Variants in GLIS1 observed in about 807,000 individuals in gnomAD.
GLIS1 encodes zinc finger protein GLIS1.
In GLIS1, 24 loss-of-function variants were observed where a neutral mutation model predicts 63.8. The ratio of observed to expected loss-of-function variants is 0.38; its 90% CI spans 0.27 to 0.53. GLIS1 has a LOEUF of 0.53. Among genes scored for constraint, GLIS1 ranks in the 20% least tolerant of loss-of-function variants. The pLI is 0.85. For synonymous variants in GLIS1, 450 were observed against 482.5 expected (o/e 0.93, Z 0.88); for missense variants, 1,036 against 1,074.1 (o/e 0.96, Z 0.50).
intron 5 of GLIS1, among the ~76,000 whole-genome samples, 184 bp downstream of exon 5, chr1:53,529,607 G>A (rs562445478): frequency 8.5e-5 from 13 of 152,306 alleles, no homozygotes; most frequent in Non-Finnish European, 8.8e-5. Flanking sequence ...AGTGGAGAGA[G>A]GCCAGGGATA....
intron 2 of GLIS1, among the ~76,000 whole-genome samples, chr1:53,618,279 C>T (rs1318657688): frequency 1.3e-5 from 2 of 152,252 alleles, no homozygotes; most frequent in African/African-American, 2.4e-5. Flanking sequence ...GAAATGAATA[C>T]ACCAGGTGAG....
chr1:53,725,885 T>G (rs1030761685), intron 2 of GLIS1, among the ~76,000 whole-genome samples: 5 of 152,176 alleles, frequency 3.3e-5, no homozygotes, highest in African/African-American at 1.2e-4. Context: ...AAAATCTGCT[T>G]CAAGAACTTC....
chr1:53,629,540 TG>T (rs1645630268), intron 2 of GLIS1, among the ~76,000 whole-genome samples: 1 of 152,204 alleles, frequency 6.6e-6, no homozygotes, highest in Non-Finnish European at 1.5e-5. Context: ...AGGGCATGGC[TG>T]GGCATCTTGT....
At chr1:53,577,717 G>A (rs17108833) in intron 4 of GLIS1, among the ~76,000 whole-genome samples, 5,678 of 152,230 alleles carry the variant, frequency 0.037, 357 homozygotes, top group African/African-American at 0.13. Context: ...GATCCTGCCT[G>A]TTTTGAGTCT....
chr1:53,702,694 C>T (rs1255943135), intron 2 of GLIS1, among the ~76,000 whole-genome samples: 1 of 152,224 alleles, frequency 6.6e-6, no homozygotes, highest in East Asian at 1.9e-4. Flanking sequence ...TCAACCCAGC[C>T]CAATTAATGA....
intron 2 of GLIS1, among the ~76,000 whole-genome samples, chr1:53,638,827 C>T (rs1439359197): frequency 6.6e-6 from 1 of 152,134 alleles, no homozygotes; most frequent in East Asian, 1.9e-4. Flanking sequence ...CATGACGAGG[C>T]GGGCCCTGAC....
At chr1:53,510,443 G>A (rs969076511) in intron 8 of GLIS1, among the ~76,000 whole-genome samples, 2 of 152,176 alleles carry the variant, frequency 1.3e-5, no homozygotes, top group African/African-American at 4.8e-5. Context: ...TCTGCCTCGT[G>A]CATGCCACTC....
At chr1:53,542,251 G>T (rs1047232524) in intron 4 of GLIS1, among the ~76,000 whole-genome samples, 3 of 152,108 alleles carry the variant, frequency 2.0e-5, no homozygotes, top group African/African-American at 7.2e-5. Flanking sequence ...TCAAGCGCCG[G>T]GGGGAAGGAG....
chr1:53,569,526 C>T (rs1267713124), intron 4 of GLIS1, among the ~76,000 whole-genome samples: 2 of 151,632 alleles, frequency 1.3e-5, no homozygotes, highest in African/African-American at 4.9e-5. Flanking sequence ...CCATAAAAAT[C>T]CTATAGGAGA....
Position 53,565,473 on chromosome 1 carries a change from C to T in GLIS1, c.1320+28635G>A, listed in dbSNP as rs74084728. On this transcript the variant is annotated intron_variant, in intron 4 of 10. Transcript: ENST00000628545. ...TTGAAAAGACTAGTAGACAAACCTC[C>T]GATGAAATAATTTTTTTTAAAAAAG... Among the ~76,000 whole-genome samples the T allele has an allele frequency of 5.8e-3, 876 of 151,348 alleles. 8 individuals are homozygous for T. The highest frequency in any genetic ancestry group is 0.02 in the African/African-American group (810 of 41,260).
intron 2 of GLIS1, among the ~76,000 whole-genome samples, chr1:53,616,968 C>T (rs1645489201): frequency 6.6e-6 from 1 of 151,100 alleles, no homozygotes; most frequent in Non-Finnish European, 1.5e-5. Context: ...CCACCCAGAT[C>T]CCAGGCTCCC....
chr1:53,569,995 C>G (rs950489559), intron 4 of GLIS1, among the ~76,000 whole-genome samples: 1 of 151,980 alleles, frequency 6.6e-6, no homozygotes, highest in Non-Finnish European at 1.5e-5. Flanking sequence ...TATTCCCGTT[C>G]CCCCCAACCA....
chr1:53,553,583 G>A (rs1644784801), intron 4 of GLIS1, among the ~76,000 whole-genome samples: 1 of 152,226 alleles, frequency 6.6e-6, no homozygotes, highest in Admixed American at 6.5e-5. Flanking sequence ...GTAAGACAAT[G>A]TCAGACCGTC....
At chr1:53,695,596 G>A (rs777107858) in intron 2 of GLIS1, among the ~76,000 whole-genome samples, 5 of 152,162 alleles carry the variant, frequency 3.3e-5, no homozygotes, top group Admixed American at 6.5e-5. Context: ...CCCGACCCTG[G>A]GCCTCTTCCC....
intron 4 of GLIS1, among the ~76,000 whole-genome samples, chr1:53,583,117 G>C (rs1008153357): frequency 6.6e-6 from 1 of 152,170 alleles, no homozygotes; most frequent in Non-Finnish European, 1.5e-5. Flanking sequence ...GGCAACTAGG[G>C]ACAGCGGGAA....
At chr1:53,606,606 C>T (rs576328178) in intron 2 of GLIS1, among the ~76,000 whole-genome samples, 22 of 152,218 alleles carry the variant, frequency 1.4e-4, no homozygotes, top group Non-Finnish European at 2.8e-4. Context: ...CTCACAAAAT[C>T]CAGAAGCCCA....
Position 53,648,916 on chromosome 1 carries a change from C to A in GLIS1, c.260-48638G>T, listed in dbSNP as rs115868332. ...TAAATACTGGGTCCACAGTTACATTCACCTTGTGATATTCATCGAATTACA... is the reference window on the plus strand; with the variant it reads ...TAAATACTGGGTCCACAGTTACATTAACCTTGTGATATTCATCGAATTACA... On this transcript the variant is annotated intron_variant, in intron 2 of 10. Coordinates refer to ENST00000628545, the MANE Select transcript of GLIS1 (RefSeq NM_001367484.1). Among the ~76,000 whole-genome samples the A allele has an allele frequency of 4.1e-3, 630 of 152,334 alleles. 6 individuals carry two copies. The highest frequency in any genetic ancestry group is 0.014 in the African/African-American group (587 of 41,574).
chr1:53,721,672 C>G (rs1027394493), intron 2 of GLIS1, among the ~76,000 whole-genome samples: 2 of 152,116 alleles, frequency 1.3e-5, no homozygotes, highest in East Asian at 1.9e-4. Context: ...ATTTTAAAAA[C>G]TATGTTTGGC....
rs2100437106 is a variant in GLIS1 at position 53,560,524 on chromosome 1, C to A, written c.1321-30572G>T. ...GGTGCCCACCAGTTAACCCTTCGTA[C>A]CTTCCAGGGAGAGTGGAGGCTGTGG... is the stretch of plus-strand genomic sequence containing the variant. On this transcript the variant is annotated intron_variant, in intron 4 of 10. Transcript: ENST00000628545. The surrounding 1 kb of genome is among the most constrained non-coding windows in gnomAD (Gnocchi z 4.4). 6.6e-6 allele frequency among the ~76,000 whole-genome samples: 1 copy of A among 152,350 alleles called. No homozygotes were observed. Among genetic ancestry groups the A allele is most frequent in the East Asian group, 1.9e-4 (1 of 5,188 alleles).
Sources: allele counts gnomAD v4.1 joint callset (sites outside exome capture counted in the v4.1 genomes callset), GRCh38; gene constraint gnomAD v4.1.1; non-coding constraint Gnocchi (gnomAD v3.1); transcripts MANE v1.5; gene names NCBI Gene and HGNC (gene_info 2026-07-23, HGNC 2026-07-21).